Variants in STARD13 observed in about 807,000 individuals in gnomAD.
The protein encoded by STARD13 is stAR-related lipid transfer protein 13.
A neutral mutation model predicts 106.4 loss-of-function variants in STARD13; 62 were observed. The observed-to-expected ratio is 0.58, with a 90% CI of 0.48 to 0.72. The LOEUF is 0.72. STARD13 is among the 30% of genes least tolerant of loss of function. The pLI is 0.00. For synonymous variants in STARD13, 565 were observed against 553.0 expected (o/e 1.02, Z -0.31); for missense variants, 1,387 against 1,424.0 (o/e 0.97, Z 0.42).
At chr13:33,301,001 C>G (rs1449714565) in intron 1 of STARD13, among the ~76,000 whole-genome samples, 2 of 152,240 alleles carry the variant, frequency 1.3e-5, no homozygotes, top group Non-Finnish European at 2.9e-5. Flanking sequence ...TGCTTTCCAT[C>G]TTCCTAAGCA....
exon 2 of STARD13, chr13:33,348,995 C>G (rs1460554256): frequency 8.0e-6 from 5 of 627,654 alleles, no homozygotes; most frequent in Non-Finnish European, 1.4e-5. Flanking sequence ...CCCCAGAATG[C>G]TTTCAGGCTG....
rs762166833 is a variant in STARD13 at position 33,129,305 on chromosome 13, T to C, written c.1372A>G (p.Ile458Val). Residue 458 changes from isoleucine (I) to valine (V), a missense_variant, in exon 5 of 14, where the codon ATC (isoleucine) becomes GTC (valine). Transcript: ENST00000336934. ...ASCHRASRVS[I>V]YDNVPGSHLY... ...TGGGAGCCAGGGACATTGTCATAGA[T>C]ACTGACTCGGCTGGCTCTGTGGCAG... 6.2e-7 allele frequency: 1 copy of C among 1,614,144 alleles called. No homozygotes were observed. Among genetic ancestry groups the C allele is most frequent in the South Asian group, 1.1e-5 (1 of 91,076 alleles).
chr13:33,586,566 A>G, the STARD13 span, among the ~76,000 whole-genome samples: 2 of 152,214 alleles, frequency 1.3e-5, no homozygotes, highest in Non-Finnish European at 2.9e-5. Flanking sequence ...ATTCTGAGAC[A>G]GGCTAGCATA....
chr13:33,499,932 T>C, the STARD13 span, among the ~76,000 whole-genome samples: 1 of 151,756 alleles, frequency 6.6e-6, no homozygotes, highest in Non-Finnish European at 1.5e-5. Context: ...GCCCAGCAAA[T>C]TTTTTGTTGT....
the STARD13 span, among the ~76,000 whole-genome samples, chr13:33,460,762 GAAC>G: frequency 1.3e-5 from 2 of 151,794 alleles, no homozygotes; most frequent in Admixed American, 6.6e-5. Context: ...TGACCAAAAT[GAAC>G]AACATCTTTC....
At chr13:33,281,467 C>T (rs1891780596) in intron 1 of STARD13, 1 of 148,926 alleles carries the variant, frequency 6.7e-6, no homozygotes, top group African/African-American at 2.5e-5. Context: ...ATGGTGCATC[C>T]ATCATGTTGC....
the STARD13 span, among the ~76,000 whole-genome samples, chr13:33,596,034 G>A: frequency 1.3e-5 from 2 of 152,134 alleles, no homozygotes; most frequent in Non-Finnish European, 2.9e-5. Flanking sequence ...TGAACCAACT[G>A]ACTAACTTCC....
the STARD13 span, among the ~76,000 whole-genome samples, chr13:33,435,762 C>A: frequency 6.6e-6 from 1 of 152,094 alleles, no homozygotes; most frequent in Non-Finnish European, 1.5e-5. Context: ...TAATGCCTTG[C>A]ACAGTGCAAG....
intron 2 of STARD13, 131 bp from the exon 3 acceptor site, chr13:33,165,549 T>C: frequency 1.4e-6 from 1 of 701,482 alleles, no homozygotes. Context: ...TTGTTGGGAA[T>C]GTTTAAGAGA....
In STARD13 at chr13:33,165,644, T is replaced by C. The variant is rs192785068; in HGVS notation, c.242-226A>G. Among the ~76,000 whole-genome samples the C allele has an allele frequency of 1.2e-4, 18 of 152,322 alleles. No individual in the cohort carries two copies. In the East Asian group the frequency reaches 3.1e-3, roughly 26 times the overall value. On this transcript the variant is annotated intron_variant, in intron 2 of 13. Transcript: ENST00000336934. The stretch of plus-strand genomic sequence containing the variant: ...GGATAGTCAAGTGCTTGACCTTGGA[T>C]AGGATTGAACACTAAGTGCCTGCAT...
At chr13:33,460,700 TAGA>T in the STARD13 span, among the ~76,000 whole-genome samples, 1 of 150,050 alleles carries the variant, frequency 6.7e-6, no homozygotes, top group Non-Finnish European at 1.5e-5. Flanking sequence ...ATTTTTTTTC[TAGA>T]TTTCTAAAGC....
chr13:33,312,594 C>G (rs573691689), intron 1 of STARD13, among the ~76,000 whole-genome samples: 1 of 152,250 alleles, frequency 6.6e-6, no homozygotes, highest in South Asian at 2.1e-4. Flanking sequence ...TGTTCATTCT[C>G]AATGTGTTTG....
intron 1 of STARD13, among the ~76,000 whole-genome samples, chr13:33,338,911 A>G (rs1275653495): frequency 6.8e-6 from 1 of 148,010 alleles, no homozygotes; most frequent in African/African-American, 2.5e-5. Flanking sequence ...AAAAAGAAAG[A>G]AAGATACAGG....
At chr13:33,308,416 C>A (rs1054624880) in intron 1 of STARD13, among the ~76,000 whole-genome samples, 2 of 151,558 alleles carry the variant, frequency 1.3e-5, no homozygotes, top group African/African-American at 4.8e-5. Context: ...ATATGCGTAT[C>A]TGCATTTCTT....
At chr13:33,308,096 T>C (rs970057831) in intron 1 of STARD13, among the ~76,000 whole-genome samples, 2 of 152,196 alleles carry the variant, frequency 1.3e-5, no homozygotes, top group African/African-American at 2.4e-5. Flanking sequence ...TAGTAGCATT[T>C]GCTTCAGGAC....
At chr13:33,120,808 G>A (rs953751872) in intron 7 of STARD13, among the ~76,000 whole-genome samples, 3 of 149,998 alleles carry the variant, frequency 2.0e-5, no homozygotes, top group African/African-American at 7.4e-5. Flanking sequence ...GTCTTGCTCT[G>A]TCACCCAGGC....
chr13:33,283,508 A>G (rs1038842531), intron 1 of STARD13, among the ~76,000 whole-genome samples: 48 of 152,236 alleles, frequency 3.2e-4, no homozygotes, highest in Admixed American at 2.0e-4. Context: ...CAGTAAACCA[A>G]TCTTCTAATA....
chr13:33,111,480 T>G (rs1874556150), intron 10 of STARD13, among the ~76,000 whole-genome samples: 1 of 152,154 alleles, frequency 6.6e-6, no homozygotes, highest in Admixed American at 6.5e-5. Context: ...CTAATCAAGC[T>G]CCAAGGTAAA....
At chr13:33,403,227 A>G in the STARD13 span, among the ~76,000 whole-genome samples, 4 of 152,198 alleles carry the variant, frequency 2.6e-5, no homozygotes, top group East Asian at 7.7e-4. Flanking sequence ...CAGGCAAGCC[A>G]CACCCCTGCT....
Sources: gnomAD v4.1 joint callset for allele counts (sites outside exome capture counted in the v4.1 genomes callset) on GRCh38, gnomAD v4.1.1 for gene constraint, MANE v1.5 for transcripts, NCBI Gene and HGNC (gene_info 2026-07-23, HGNC 2026-07-21) for gene names.